Variants in SLC39A9 observed in about 807,000 individuals in gnomAD.
SLC39A9 encodes the protein solute carrier family 39 member 9, also known as zinc transporter ZIP9.
Under a neutral mutation model 28.4 loss-of-function variants are expected in SLC39A9, and 14 were observed. That is an observed-to-expected ratio of 0.49 (90% CI 0.33 to 0.77). The LOEUF is 0.77. SLC39A9 is among the 30% of genes least tolerant of loss of function. SLC39A9 has a pLI of 0.02. For missense variants in SLC39A9, 283 were observed against 381.1 expected (o/e 0.74, Z 2.14); for synonymous variants, 119 against 149.6 (o/e 0.80, Z 1.49).
chr14:69,407,670 CTGT>C, intron 1 of SLC39A9, among the ~76,000 whole-genome samples: 1 of 149,718 alleles, frequency 6.7e-6, no homozygotes, highest in East Asian at 2.0e-4. Context: ...CAGAATTTTG[CTGT>C]TGTTGCCCAG....
intron 3 of SLC39A9, among the ~76,000 whole-genome samples, chr14:69,446,181 G>A (rs560328409): frequency 1.3e-5 from 2 of 152,044 alleles, no homozygotes; most frequent in East Asian, 3.9e-4. Context: ...TGGAGTGGAG[G>A]AAGGCAAGAA....
At chr14:69,426,476 C>T (rs922741107) in intron 2 of SLC39A9, among the ~76,000 whole-genome samples, 3 of 152,216 alleles carry the variant, frequency 2.0e-5, no homozygotes, top group Non-Finnish European at 4.4e-5. Context: ...GTCCTGGGTC[C>T]TGGAGCTTCT....
At chr14:69,429,318 C>G (rs1177170387) in intron 2 of SLC39A9, 1 of 151,596 alleles carries the variant, frequency 6.6e-6, no homozygotes, top group Non-Finnish European at 1.5e-5. Context: ...TTTGAAGTCC[C>G]CTTATATTCT....
In SLC39A9 at chr14:69,459,207, A is replaced by G; in HGVS notation, c.*614A>G. On this transcript the variant is annotated 3_prime_UTR_variant, in exon 7 of 7. Transcript: ENST00000336643. ...CAAAAGAGATATCCATTGAAAAGGG[A>G]TGTCTAGAGGGATTTAAACAGCTCC... 1 of 985,522 alleles carries G rather than the reference A, an allele frequency of 1.0e-6. No homozygotes were observed. Among genetic ancestry groups the G allele is most frequent in the Non-Finnish European group, 1.2e-6 (1 of 829,994 alleles). The allele number at this position is 985,522 out of a possible 1,614,324, so 61.0% of individuals were successfully genotyped here.
Position 69,455,974 on chromosome 14 carries a change from T to C in SLC39A9, c.693+108T>C. ...ATACATTACTCTCTCAAACTAAAGA[T>C]AAAATTAGGAGTAAAAACTATACAG... On this transcript the variant is annotated intron_variant, in intron 6 of 6. Transcript: ENST00000336643. The C allele has an allele frequency of 2.3e-6, 3 of 1,331,860 alleles. No individual in the cohort carries two copies. The Admixed American group carries it at 6.9e-5, about 31-fold the overall frequency. The allele number at this position is 1,331,860 out of a possible 1,614,324, so 82.5% of individuals were successfully genotyped here. A position where few individuals can be genotyped will look rare whatever the true frequency, so the allele number is the denominator to read the frequency against.
intron 2 of SLC39A9, among the ~76,000 whole-genome samples, chr14:69,428,146 C>T (rs923036087): frequency 3.2e-4 from 49 of 151,978 alleles, no homozygotes; most frequent in African/African-American, 1.1e-3. Context: ...GGCGTGCTGG[C>T]GCATGTCTGT....
chr14:69,458,969 T>G lies in SLC39A9; in HGVS notation c.*376T>G. The G allele has an allele frequency of 3.0e-6, 3 of 1,001,292 alleles. No homozygotes were observed. The highest frequency in any genetic ancestry group is 3.6e-6 in the Non-Finnish European group (3 of 839,176). 62.0% of individuals were successfully genotyped at this position (1,001,292 alleles called of 1,614,324 possible). On this transcript the variant is annotated 3_prime_UTR_variant, in exon 7 of 7. Coordinates refer to ENST00000336643, the MANE Select transcript of SLC39A9 (RefSeq NM_018375.5). Reference sequence around the variant, plus strand: ...TACAGTGTTCTGTAATTAAGCTATGTCTCTTTCTTCTTAGTTTAGAGGCTC... The same window carrying G: ...TACAGTGTTCTGTAATTAAGCTATGGCTCTTTCTTCTTAGTTTAGAGGCTC...
intron 2 of SLC39A9, among the ~76,000 whole-genome samples, chr14:69,435,238 C>T (rs1026237755): frequency 6.6e-6 from 1 of 152,084 alleles, no homozygotes; most frequent in African/African-American, 2.4e-5. Flanking sequence ...GGTTAGGTAC[C>T]TACATGTTTA....
chr14:69,431,276 A>G (rs1884477038), intron 2 of SLC39A9, among the ~76,000 whole-genome samples: 1 of 152,210 alleles, frequency 6.6e-6, no homozygotes, highest in Non-Finnish European at 1.5e-5. Flanking sequence ...ATTCTAGTAT[A>G]TAAAAAGTTC....
At chr14:69,440,742 C>T (rs1885007173) in intron 2 of SLC39A9, among the ~76,000 whole-genome samples, 1 of 152,126 alleles carries the variant, frequency 6.6e-6, no homozygotes, top group South Asian at 2.1e-4. Flanking sequence ...GGCGTGATCT[C>T]GGCTCACTGC....
chr14:69,432,025 A>G (rs1451376615), intron 2 of SLC39A9, among the ~76,000 whole-genome samples: 13 of 152,134 alleles, frequency 8.5e-5, no homozygotes, highest in African/African-American at 4.8e-5. Flanking sequence ...TGAACATAAG[A>G]GTGCATGGTG....
At chr14:69,448,178 GCA>G (rs1885429819) in intron 3 of SLC39A9, among the ~76,000 whole-genome samples, 2 of 121,508 alleles carry the variant, frequency 1.6e-5, no homozygotes, top group Admixed American at 1.1e-4. Context: ...TCACGCCACT[GCA>G]CTCCAGCCTG....
intron 1 of SLC39A9, among the ~76,000 whole-genome samples, chr14:69,401,601 A>G (rs1189043140): frequency 6.6e-6 from 1 of 152,128 alleles, no homozygotes. Flanking sequence ...CAATATGCGG[A>G]TATATACTAT....
rs10137828 is a variant in SLC39A9, at chr14:69,452,473, C to T, written c.404-768C>T. On this transcript the variant is annotated intron_variant, in intron 3 of 6. Coordinates refer to ENST00000336643, the MANE Select transcript of SLC39A9 (RefSeq NM_018375.5). Reference sequence around the variant, plus strand: ...GCTCCCAAGTAGCCGAGATTACAGGCGCCCGCCACCATACTCAGCTAATTT... The same window carrying T: ...GCTCCCAAGTAGCCGAGATTACAGGTGCCCGCCACCATACTCAGCTAATTT... Among the ~76,000 whole-genome samples the T allele has an allele frequency of 6.7e-3, 1,016 of 152,050 alleles. 14 individuals carry two copies. The highest frequency in any genetic ancestry group is 0.023 in the African/African-American group (961 of 41,452).
At chr14:69,398,582 C>T (rs1446236268), upstream of SLC39A9, 1 of 349,534 alleles carries the variant, frequency 2.9e-6, no homozygotes, top group African/African-American at 2.2e-5. Flanking sequence ...TTTCATTAGC[C>T]CTACTCAAAA....
chr14:69,454,655 A>T (rs1885776131), intron 4 of SLC39A9, 157 bp from the exon 5 acceptor site: 1 of 542,440 alleles, frequency 1.8e-6, no homozygotes, highest in African/African-American at 1.9e-5. Flanking sequence ...TACATACTTC[A>T]TTGAACACAT....
At chr14:69,400,759 G>C (rs1882586237) in intron 1 of SLC39A9, among the ~76,000 whole-genome samples, 1 of 152,172 alleles carries the variant, frequency 6.6e-6, no homozygotes, top group South Asian at 2.1e-4. Flanking sequence ...TGGAACAGAT[G>C]CTTAAATTGT....
chr14:69,408,045 G>T (rs1883041590), intron 1 of SLC39A9, among the ~76,000 whole-genome samples: 2 of 150,212 alleles, frequency 1.3e-5, no homozygotes, highest in South Asian at 4.2e-4. Flanking sequence ...ATGGAGTCTT[G>T]CTCTGTTGCC....
rs1289471445 is a variant in SLC39A9 at position 69,454,858 on chromosome 14, T to C, written c.519T>C (p.Ser173=). 2 of 1,614,080 alleles carry C rather than the reference T, an allele frequency of 1.2e-6. No homozygotes were observed. The highest frequency in any genetic ancestry group is 3.3e-5 in the Admixed American group (2 of 59,998). The change falls in exon 5 of 7, where the codon AGT becomes AGC. Residue 173 remains serine (S), a synonymous_variant. Transcript: ENST00000336643. ...CAGCAGCATCTACTTCACAGACCAG[T>C]GTCCAGTTAATTGTGTTTGTGGCAA... ...LGAAASTSQT[S]VQLIVFVAIM...
Sources: gnomAD v4.1 joint callset for allele counts (sites outside exome capture counted in the v4.1 genomes callset) on GRCh38, gnomAD v4.1.1 for gene constraint, MANE v1.5 for transcripts, NCBI Gene and HGNC (gene_info 2026-07-23, HGNC 2026-07-21) for gene names.